TAPBPL: variants seen among roughly 807,000 people sequenced by gnomAD.
TAPBPL encodes the protein tapasin-related protein.
Under a neutral mutation model 44.8 loss-of-function variants are expected in TAPBPL, and 32 were observed. The observed-to-expected ratio is 0.71, with a 90% confidence interval of 0.54 to 0.96. TAPBPL has a LOEUF of 0.96. Ranked by LOEUF, TAPBPL falls within the 40% of genes least tolerant of loss-of-function variation. The pLI, the probability that TAPBPL is intolerant of heterozygous loss-of-function variation, is 0.00. For missense variants in TAPBPL, 520 were observed against 586.6 expected (o/e 0.89, Z 1.17); for synonymous variants, 230 against 240.7 (o/e 0.96, Z 0.41).
intron 5 of TAPBPL, among the ~76,000 whole-genome samples, chr12:6,459,717 TG>T (rs1325828690): frequency 1.1e-4 from 16 of 149,374 alleles, no homozygotes; most frequent in African/African-American, 4.0e-4. Context: ...AGCATGCTGT[TG>T]AAAGGTTTTA....
downstream of TAPBPL, chr12:6,464,725 C>T: frequency 1.3e-6 from 2 of 1,513,120 alleles, no homozygotes; most frequent in South Asian, 2.7e-5. Flanking sequence ...AAAGAAATCC[C>T]TTGTCTCTGC....
At position 6,457,682 on chromosome 12, in the gene TAPBPL, A is replaced by AC; in HGVS notation, c.843dup (p.Ile282HisfsTer24). Reference sequence around the variant, plus strand: ...CTCACTATACAGGACGAGGGGACCTACATTTGCCAGATCACCACCTCTCTG... The same window carrying AC: ...CTCACTATACAGGACGAGGGGACCTACCATTTGCCAGATCACCACCTCTCTG... On this transcript the variant is annotated frameshift_variant, in exon 4 of 7. Transcript: ENST00000266556. LOFTEE classifies it high-confidence loss of function. The AC allele has an allele frequency of 6.2e-7, 1 of 1,613,000 alleles. No homozygotes were observed. Among genetic ancestry groups the AC allele is most frequent in the Non-Finnish European group, 8.5e-7 (1 of 1,179,210 alleles).
downstream of TAPBPL, chr12:6,466,275 T>C: frequency 6.2e-7 from 1 of 1,614,174 alleles, no homozygotes; most frequent in South Asian, 1.1e-5. Flanking sequence ...CTGGTCATGT[T>C]AGGAGGAGGG....
chr12:6,468,644 C>A (rs1391738275), downstream of TAPBPL, among the ~76,000 whole-genome samples: 1 of 152,170 alleles, frequency 6.6e-6, no homozygotes, highest in Admixed American at 6.5e-5. Flanking sequence ...AAAGAGAGAT[C>A]TTGGTTTACT....
At chr12:6,468,774 T>C (rs971432931), downstream of TAPBPL, among the ~76,000 whole-genome samples, 3 of 152,142 alleles carry the variant, frequency 2.0e-5, no homozygotes, top group African/African-American at 7.2e-5. Context: ...TCCTAAAGAA[T>C]TCCCAGAAGT....
chr12:6,459,757 TTTA>T (rs1404709910), intron 5 of TAPBPL, among the ~76,000 whole-genome samples: 34 of 131,908 alleles, frequency 2.6e-4, no homozygotes, highest in East Asian at 1.8e-3. Flanking sequence ...TATTTATTTA[TTTA>T]TTTATTTTAT....
At chr12:6,457,140 T>C (rs1949722595) in intron 3 of TAPBPL, among the ~76,000 whole-genome samples, 4 of 152,226 alleles carry the variant, frequency 2.6e-5, no homozygotes, top group Admixed American at 2.6e-4. Context: ...TAATTTTGCA[T>C]GTGTATTTTT....
At position 6,457,533 on chromosome 12, in the gene TAPBPL, C is replaced by T. The variant is rs1949731043; in HGVS notation, c.693C>T (p.His231=). ...DLISVEWRLQ[H]KGRGQLVYSW... ...TCAGTGTGGAGTGGCGACTGCAGCA[C>T]AAGGGCAGGGGTCAGTTGGTGTACA... Residue 231 remains histidine (H), a synonymous_variant, in exon 4 of 7, where the codon CAC becomes CAT. Transcript: ENST00000266556. 2 of 1,614,108 alleles carry T rather than the reference C, an allele frequency of 1.2e-6. No homozygotes were observed. The highest frequency in any genetic ancestry group is 1.3e-5 in the African/African-American group (1 of 74,940).
At chr12:6,452,026 C>T (rs71584819), upstream of TAPBPL, 32 of 591,170 alleles carry the variant, frequency 5.4e-5, no homozygotes, top group African/African-American at 5.6e-4. Flanking sequence ...GCAAGCAGGG[C>T]TCTGGCAGCT....
downstream of TAPBPL, chr12:6,463,414 T>G: frequency 9.5e-7 from 1 of 1,056,550 alleles, no homozygotes; most frequent in Middle Eastern, 4.6e-4. This position sits in a 1 kb window ranked among gnomAD's most constrained non-coding sequence, Gnocchi z 4.0. Context: ...ATCCCTGTCT[T>G]TGGCAAGTGC....
chr12:6,452,528 G>A, intron 1 of TAPBPL: 2 of 1,418,742 alleles, frequency 1.4e-6, no homozygotes, highest in Non-Finnish European at 1.8e-6. Flanking sequence ...CTAAAGAGGG[G>A]CTGCCTCTGT....
At chr12:6,464,760 A>C, downstream of TAPBPL, 1 of 1,533,750 alleles carries the variant, frequency 6.5e-7, no homozygotes, top group Non-Finnish European at 8.7e-7. Flanking sequence ...GAACCAGGTG[A>C]CGATCCCATA....
At chr12:6,470,643 G>C, downstream of TAPBPL, 5 of 1,455,104 alleles carry the variant, frequency 3.4e-6, no homozygotes, top group South Asian at 1.2e-5. Context: ...GCCTCGCGCC[G>C]ACTACCCCGC....
At chr12:6,452,446 G>A (rs1277779947) in intron 1 of TAPBPL, 134 bp downstream of exon 1, 2 of 1,454,580 alleles carry the variant, frequency 1.4e-6, no homozygotes, top group Non-Finnish European at 1.8e-6. Context: ...ACAGGGGAAA[G>A]GCTCAGCGGC....
At chr12:6,468,882 T>A (rs1945698334), downstream of TAPBPL, among the ~76,000 whole-genome samples, 2 of 152,092 alleles carry the variant, frequency 1.3e-5, no homozygotes, top group African/African-American at 4.8e-5. Context: ...CAGTAAGAAC[T>A]CCTCAAACAG....
downstream of TAPBPL, chr12:6,465,360 A>ATATATATATATATACATGTATATATG (rs1565525912): frequency 5.3e-6 from 1 of 187,594 alleles, no homozygotes; most frequent in Non-Finnish European, 1.0e-5. Flanking sequence ...AGAAAAAAGT[A>ATATATATATATATACATGTATATATG]TATATATATA....
downstream of TAPBPL, chr12:6,465,373 A>ATGTATATATATGTATATATATATAC (rs1565525991): frequency 9.6e-6 from 1 of 104,214 alleles, no homozygotes; most frequent in African/African-American, 4.4e-5. Flanking sequence ...TATATATATA[A>ATGTATATATATGTATATATATATAC]ATGTATATAT....
chr12:6,463,410 G>A, downstream of TAPBPL: 1 of 1,057,530 alleles, frequency 9.5e-7, no homozygotes. The surrounding 1 kb of genome is among the most constrained non-coding windows in gnomAD (Gnocchi z 4.0). Flanking sequence ...CCTCATCCCT[G>A]TCTTTGGCAA....
downstream of TAPBPL, chr12:6,470,664 C>CAGTAAGTTCCAGCGCA: frequency 8.3e-7 from 1 of 1,202,428 alleles, no homozygotes; most frequent in Non-Finnish European, 1.2e-6. Context: ...GGTCTAGCTG[C>CAGTAAGTTCCAGCGCA]GCTGGAACTT....
Sources: allele counts gnomAD v4.1 joint callset (sites outside exome capture counted in the v4.1 genomes callset), GRCh38; gene constraint gnomAD v4.1.1; non-coding constraint Gnocchi (gnomAD v3.1); transcripts MANE v1.5; gene names NCBI Gene and HGNC (gene_info 2026-07-23, HGNC 2026-07-21).